Variants in YBX3 observed in about 807,000 individuals in gnomAD.
The protein encoded by YBX3 is Y-box binding protein 3.
A neutral mutation model predicts 42.4 loss-of-function variants in YBX3; 29 were observed. The ratio of observed to expected loss-of-function variants is 0.68; its 90% CI spans 0.51 to 0.93. YBX3 has a LOEUF of 0.93. Ranked by LOEUF, YBX3 falls within the 40% of genes least tolerant of loss-of-function variation. The probability of loss-of-function intolerance (pLI) is 0.00; values close to 1 mark genes in which losing one functional copy is unlikely to be tolerated. For synonymous variants in YBX3, 195 were observed against 189.8 expected (o/e 1.03, Z -0.22); for missense variants, 517 against 527.5 (o/e 0.98, Z 0.19).
chr12:10,710,111 C>T lies in YBX3; in HGVS notation c.577G>A (p.Ala193Thr), dbSNP rs533063116. 9.7e-5 allele frequency: 156 copies of T among 1,612,868 alleles called. No individual in the cohort carries two copies. The highest frequency in any genetic ancestry group is 7.3e-4 in the Admixed American group (44 of 59,950). The change falls in exon 6 of 10, where the codon GCT becomes ACT. Residue 193 changes from alanine to threonine, a missense_variant. Physicochemically the swap from Ala to Thr is moderately conservative, Grantham distance 58 (BLOSUM62 0). Around this residue, in one of 3 missense-constraint regions of YBX3, gnomAD observed 420 missense variants for 408.5 expected, o/e 1.03. Transcript: ENST00000228251. The part of the protein sequence containing the change: ...GRRRGPPRNY[A>T]GEEEEEGSGS... ...CTCCCTTCCTCCTCCTCCTCCCCAG[C>T]GTACTAGCGAAGCAAAGAAACAGAG...
Position 10,699,436 on chromosome 12 carries a change from CTT to C in YBX3, c.*251_*252del, listed in dbSNP as rs1266124198. ...TTGCTGAAACTGGAGAGGCTACTCT[CTT>C]GTCTTCCGTGCAGGAATTCCCAGGT... is the stretch of plus-strand genomic sequence containing the variant. On this transcript the variant is annotated 3_prime_UTR_variant, in exon 10 of 10. Transcript: ENST00000228251. 2 of 152,578 alleles carry C rather than the reference CTT, an allele frequency of 1.3e-5. No individual in the cohort carries two copies. The highest frequency in any genetic ancestry group is 2.4e-5 in the African/African-American group (1 of 41,428). 9.5% of individuals were successfully genotyped at this position (152,578 alleles called of 1,614,324 possible).
Position 10,709,945 on chromosome 12 carries a change from C to T in YBX3, c.743G>A (p.Arg248His), listed in dbSNP as rs976522004. 1.2e-5 allele frequency: 19 copies of T among 1,614,054 alleles called. No individual in the cohort carries two copies. Among genetic ancestry groups the T allele is most frequent in the Non-Finnish European group, 1.4e-5 (16 of 1,180,046 alleles). Residue 248 changes from arginine (R) to histidine (H), a missense_variant, in exon 6 of 10, where the codon CGT (arginine) becomes CAT (histidine). By Grantham distance (29) the Arg-to-His change is conservative (BLOSUM62 0). This residue lies in a region of YBX3 where 420 missense variants were observed against 408.5 expected (regional missense o/e 1.03). Transcript: ENST00000228251. ...GGGATGGGGTAAGACCCGTGAGCGA[C>T]GGTCAAAGGTCTGTCCCACGTGGTA... ...PPYHVGQTFD[R>H]RSRVLPHPNR...
At position 10,723,112 on chromosome 12, in the gene YBX3, G is replaced by GCCT. The variant is rs1281502712; in HGVS notation, c.-4_-2dup. ...TGGTGGCCTCGCCCGCCTCACTCAT[G>GCCT]CCTCCTCCTCCTCTGCTCTCGCTCA... On this transcript the variant is annotated 5_prime_UTR_variant, in exon 1 of 10. Coordinates refer to ENST00000228251, the MANE Select transcript of YBX3 (RefSeq NM_003651.5). The GCCT allele has an allele frequency of 6.6e-6, 8 of 1,204,942 alleles. No homozygotes were observed. Among genetic ancestry groups the GCCT allele is most frequent in the Non-Finnish European group, 8.2e-6 (8 of 971,728 alleles). 74.6% of individuals were successfully genotyped at this position (1,204,942 alleles called of 1,614,324 possible).
chr12:10,704,672 A>T (rs901874456), intron 6 of YBX3, among the ~76,000 whole-genome samples: 1 of 152,168 alleles, frequency 6.6e-6, no homozygotes, highest in African/African-American at 2.4e-5. Context: ...TCATTATTTC[A>T]TCAAGAAAGA....
intron 8 of YBX3, 130 bp from the exon 9 acceptor site, chr12:10,701,483 A>T (rs2120897358): frequency 1.5e-6 from 1 of 659,580 alleles, no homozygotes; most frequent in Non-Finnish European, 2.8e-6. Context: ...ACTACTCTTA[A>T]GTATGAGTCA....
At position 10,699,173 on chromosome 12, in the gene YBX3, A is replaced by T. The variant is rs7270; in HGVS notation, c.*516T>A. On this transcript the variant is annotated 3_prime_UTR_variant, in exon 10 of 10. Coordinates refer to ENST00000228251, the MANE Select transcript of YBX3 (RefSeq NM_003651.5). Reference sequence around the variant, plus strand: ...AGTCACATAAGAAAGCAAAAATGTTATCCTCCCCTCATCCTAGAAATAAAT... The same window carrying T: ...AGTCACATAAGAAAGCAAAAATGTTTTCCTCCCCTCATCCTAGAAATAAAT... 0.19 allele frequency: 29,627 copies of T among 152,300 alleles called. 3,334 individuals carry two copies. The highest frequency in any genetic ancestry group is 0.49 in the East Asian group (2,519 of 5,152). 9.4% of individuals were successfully genotyped at this position (152,300 alleles called of 1,614,324 possible). A position where few individuals can be genotyped will look rare whatever the true frequency, so the allele number is the denominator to read the frequency against.
At chr12:10,704,194 A>G in intron 6 of YBX3, 46 bp from the exon 7 acceptor site, 1 of 1,535,128 alleles carries the variant, frequency 6.5e-7, no homozygotes, top group Middle Eastern at 1.7e-4. Flanking sequence ...AGCACAGGGG[A>G]TAAGATACAG....
intron 2 of YBX3, 69 bp downstream of exon 2, chr12:10,719,011 G>C: frequency 1.4e-6 from 2 of 1,446,400 alleles, no homozygotes; most frequent in Non-Finnish European, 1.9e-6. Flanking sequence ...GAAGGCTAAG[G>C]GATTTATAAC....
Position 10,709,845 on chromosome 12 carries a change from G to A in YBX3, c.780+63C>T, listed in dbSNP as rs1056423388. Reference sequence around the variant, plus strand: ...GCTGATGTTGGAGGAGGAGGAGGAAGAGGAGGCAGAGAAGGACGGAAGGGT... The same window carrying A: ...GCTGATGTTGGAGGAGGAGGAGGAAAAGGAGGCAGAGAAGGACGGAAGGGT... On this transcript the variant is annotated intron_variant, in intron 6 of 9. Transcript: ENST00000228251. 2.8e-5 allele frequency: 44 copies of A among 1,583,016 alleles called. No homozygotes were observed. The African/African-American group carries it at 5.3e-4, about 19-fold the overall frequency.
At chr12:10,704,606 TTTC>T (rs1354003661) in intron 6 of YBX3, among the ~76,000 whole-genome samples, 1 of 149,118 alleles carries the variant, frequency 6.7e-6, no homozygotes. Context: ...ATAACTCAAC[TTTC>T]TTTTCTTTTC....
At chr12:10,710,347 G>T (rs1948186510) in intron 5 of YBX3, 3 of 1,419,740 alleles carry the variant, frequency 2.1e-6, no homozygotes, top group African/African-American at 1.4e-5. Flanking sequence ...AAAAGCAAGA[G>T]CAATCAATCT....
intron 6 of YBX3, 57 bp from the exon 7 acceptor site, chr12:10,704,205 T>C: frequency 2.1e-6 from 3 of 1,433,996 alleles, no homozygotes; most frequent in Non-Finnish European, 1.9e-6. Flanking sequence ...TAAGATACAG[T>C]GCATACAGCT....
At chr12:10,702,268 C>T in intron 7 of YBX3, 134 bp from the exon 8 acceptor site, 1 of 841,810 alleles carries the variant, frequency 1.2e-6, no homozygotes, top group Non-Finnish European at 1.7e-6. Context: ...CCCCTGTAAT[C>T]CCAGCACTTC....
intron 3 of YBX3, among the ~76,000 whole-genome samples, chr12:10,716,867 G>A (rs1342056098): frequency 1.3e-5 from 2 of 152,072 alleles, no homozygotes; most frequent in Admixed American, 6.6e-5. Context: ...GTTAAACTGG[G>A]CAAGCCTCAA....
intron 3 of YBX3, 128 bp downstream of exon 3, chr12:10,717,960 C>G (rs1452017207): frequency 5.5e-6 from 4 of 730,180 alleles, no homozygotes; most frequent in Non-Finnish European, 8.3e-6. Context: ...ACTCCTGTTG[C>G]AAAATAAATC....
chr12:10,702,205 T>C lies in YBX3; in HGVS notation c.879-71A>G, dbSNP rs116526435. 3.6e-3 allele frequency: 5,278 copies of C among 1,459,178 alleles called. 163 individuals are homozygous for C. The African/African-American group carries it at 0.068, about 19-fold the overall frequency. The allele number at this position is 1,459,178 out of a possible 1,614,324, so 90.4% of individuals were successfully genotyped here. On this transcript the variant is annotated intron_variant, in intron 7 of 9. Transcript: ENST00000228251. ...GGCTTCTCCAGAAAATAAGGTTTTA[T>C]TTATTTTTAAAAATTAAAAAGTCAA...
intron 1 of YBX3, among the ~76,000 whole-genome samples, chr12:10,719,861 T>C (rs373085635): frequency 1.1e-4 from 17 of 152,348 alleles, no homozygotes; most frequent in African/African-American, 3.8e-4. Flanking sequence ...TGGTTGTCTC[T>C]ACCTCATGAG....
chr12:10,714,399 C>T (rs1444879946), intron 4 of YBX3, among the ~76,000 whole-genome samples: 1 of 152,104 alleles, frequency 6.6e-6, no homozygotes, highest in Non-Finnish European at 1.5e-5. Context: ...TTTAATCTTA[C>T]TCAATATTGT....
At chr12:10,715,313 C>G (rs1051654179) in intron 4 of YBX3, among the ~76,000 whole-genome samples, 4 of 151,672 alleles carry the variant, frequency 2.6e-5, no homozygotes, top group Non-Finnish European at 5.9e-5. Flanking sequence ...GGGAGGCTGA[C>G]ACAGGTGGAT....
Sources: allele counts gnomAD v4.1 joint callset (sites outside exome capture counted in the v4.1 genomes callset), GRCh38; gene constraint gnomAD v4.1.1; regional missense constraint gnomAD v4.1.1; transcripts MANE v1.5; gene names NCBI Gene and HGNC (gene_info 2026-07-23, HGNC 2026-07-21).